Variants in TRA2B observed in about 807,000 individuals in gnomAD.
TRA2B encodes transformer 2 beta homolog.
Under a neutral mutation model 41.7 loss-of-function variants are expected in TRA2B, and 14 were observed. The observed-to-expected ratio is 0.34, with a 90% CI of 0.22 to 0.53. The LOEUF (loss-of-function observed/expected upper bound fraction) is 0.53, where lower values mean the gene tolerates loss of function less well. TRA2B is among the 20% of genes least tolerant of loss of function. TRA2B has a pLI of 0.95. For synonymous variants in TRA2B, 130 were observed against 128.8 expected, an observed-to-expected ratio of 1.01 and a Z score of -0.06; for missense variants, 167 against 396.8, an observed-to-expected ratio of 0.42 and a Z score of 4.92.
At position 185,937,270 on chromosome 3, in the gene TRA2B, G is replaced by A. The variant is rs1469263663; in HGVS notation, c.36+555C>T. 2.3e-5 allele frequency: 23 copies of A among 986,264 alleles called. 1 individual carries two copies. The highest frequency in any genetic ancestry group is 1.0e-3 in the Middle Eastern group (2 of 1,934). The allele number at this position is 986,264 out of a possible 1,614,324, so 61.1% of individuals were successfully genotyped here. A position where few individuals can be genotyped will look rare whatever the true frequency, so the allele number is the denominator to read the frequency against. ...AGGCCCCAAAGACATCCCAGACTCC[G>A]TCCTTTCCGTGGAGGCAAAGACGGT... is the stretch of plus-strand genomic sequence containing the variant. On this transcript the variant is annotated intron_variant, in intron 1 of 8. Coordinates refer to ENST00000453386, the MANE Select transcript of TRA2B (RefSeq NM_004593.3).
In TRA2B at chr3:185,926,415, C is replaced by T. The variant is rs78676441; in HGVS notation, c.170+186G>A. Among the ~76,000 whole-genome samples, 434 of 152,240 alleles carry T rather than the reference C, an allele frequency of 2.9e-3. 5 individuals are homozygous for T. Among genetic ancestry groups the T allele is most frequent in the Admixed American group, 0.02 (304 of 15,296 alleles). On this transcript the variant is annotated intron_variant, in intron 2 of 8. Coordinates refer to ENST00000453386, the MANE Select transcript of TRA2B (RefSeq NM_004593.3). ...GCCCAAACCAGCAAAAATAGAAAACCCTGACTCCAAAAGCCCAGGCTCTTA... is the reference window on the plus strand; with the variant it reads ...GCCCAAACCAGCAAAAATAGAAAACTCTGACTCCAAAAGCCCAGGCTCTTA...
At chr3:185,936,175 G>A (rs1323257365) in intron 1 of TRA2B, 1 of 985,376 alleles carries the variant, frequency 1.0e-6, no homozygotes, top group African/African-American at 1.7e-5. Context: ...TTTTTGAAGA[G>A]TAGAAAGGTA....
At chr3:185,932,772 TTTC>T (rs1389940488) in intron 1 of TRA2B, among the ~76,000 whole-genome samples, 1 of 152,156 alleles carries the variant, frequency 6.6e-6, no homozygotes, top group East Asian at 1.9e-4. Flanking sequence ...CATGCTAGTT[TTTC>T]TTGTTATCCT....
chr3:185,919,893 T>C (rs1176547265), intron 6 of TRA2B, among the ~76,000 whole-genome samples: 1 of 152,178 alleles, frequency 6.6e-6, no homozygotes, highest in Non-Finnish European at 1.5e-5. Context: ...TTCTTAAACA[T>C]TGCCAAATAA....
intron 8 of TRA2B, among the ~76,000 whole-genome samples, 185 bp downstream of exon 8, chr3:185,918,180 A>G (rs1003665189): frequency 2.0e-5 from 3 of 152,194 alleles, no homozygotes; most frequent in African/African-American, 7.2e-5. Flanking sequence ...TTCCTTCTTA[A>G]AAAATAATAG....
rs565787432 is a variant in TRA2B, at chr3:185,915,615, T to C, written c.*2100A>G. On this transcript the variant is annotated 3_prime_UTR_variant, in exon 9 of 9. Transcript: ENST00000453386. ...TCCTCAGTCTTTTGCCTGTTAACAC[T>C]CTTTGTAGCCATGTCAAATGGCTAA... is the stretch of plus-strand genomic sequence containing the variant. 3.7e-4 allele frequency among the ~76,000 whole-genome samples: 57 copies of C among 152,308 alleles called. No individual in the cohort carries two copies. Among genetic ancestry groups the C allele is most frequent in the Middle Eastern group, 3.4e-3 (1 of 294 alleles).
intron 1 of TRA2B, chr3:185,936,478 A>C (rs1744359889): frequency 2.0e-6 from 2 of 985,324 alleles, no homozygotes; most frequent in East Asian, 1.1e-4. Flanking sequence ...TTCAAACCAA[A>C]TTAAGCAGTT....
chr3:185,915,756 G>C lies in TRA2B; in HGVS notation c.*1959C>G, dbSNP rs1743478676. On this transcript the variant is annotated 3_prime_UTR_variant, in exon 9 of 9. Transcript: ENST00000453386. ...TAAAGGGCTAAAACTCAGGCTTTAGGATAGAAACCGAGGGTTATGTTCGAG... is the reference window on the plus strand; with the variant it reads ...TAAAGGGCTAAAACTCAGGCTTTAGCATAGAAACCGAGGGTTATGTTCGAG... The C allele has an allele frequency of 6.6e-6, 1 of 152,148 alleles. No homozygotes were observed. Among genetic ancestry groups the C allele is most frequent in the East Asian group, 1.9e-4 (1 of 5,204 alleles). The allele number at this position is 152,148 out of a possible 1,614,324, so 9.4% of individuals were successfully genotyped here. A position where few individuals can be genotyped will look rare whatever the true frequency, so the allele number is the denominator to read the frequency against.
At chr3:185,937,381 G>C (rs1429393560) in intron 1 of TRA2B, 1 of 999,832 alleles carries the variant, frequency 1.0e-6, no homozygotes, top group East Asian at 1.1e-4. Flanking sequence ...TACGAAGCGC[G>C]GCCCGCTGCG....
intron 4 of TRA2B, chr3:185,922,894 A>G (rs950888735): frequency 1.3e-5 from 2 of 152,256 alleles, no homozygotes; most frequent in African/African-American, 2.4e-5. Flanking sequence ...TGTTCAAGCT[A>G]GTGTTTACGC....
intron 1 of TRA2B, chr3:185,934,612 CT>C (rs1744277509): frequency 3.0e-6 from 3 of 985,138 alleles, no homozygotes; most frequent in Non-Finnish European, 3.6e-6. Context: ...CAATTCAATC[CT>C]TTTTTAAAGG....
At chr3:185,918,721 T>C (rs1743599878) in intron 7 of TRA2B, among the ~76,000 whole-genome samples, 1 of 152,122 alleles carries the variant, frequency 6.6e-6, no homozygotes, top group African/African-American at 2.4e-5. Flanking sequence ...TAAAAGAAAA[T>C]TCCTGGCTGG....
chr3:185,923,768 G>C, intron 4 of TRA2B, 28 bp downstream of exon 4: 1 of 1,582,728 alleles, frequency 6.3e-7, no homozygotes, highest in South Asian at 1.2e-5. Flanking sequence ...AGAACTGATG[G>C]TTTACAAAGG....
intron 1 of TRA2B, chr3:185,935,965 CAG>C: frequency 1.0e-6 from 1 of 985,404 alleles, no homozygotes; most frequent in Non-Finnish European, 1.2e-6. Flanking sequence ...GCGAAAAACA[CAG>C]TGTACTTTTA....
chr3:185,933,197 A>G (rs1744214769), intron 1 of TRA2B, among the ~76,000 whole-genome samples: 1 of 152,206 alleles, frequency 6.6e-6, no homozygotes, highest in Non-Finnish European at 1.5e-5. Context: ...TGCAGAAGAT[A>G]CAAGAATAGA....
At chr3:185,917,844 C>G (rs1024956293) in intron 8 of TRA2B, 119 bp from the exon 9 acceptor site, 37 of 957,796 alleles carry the variant, frequency 3.9e-5, no homozygotes, top group Non-Finnish European at 5.6e-5. Flanking sequence ...CAGAACCCCA[C>G]CACCCCCAAA....
chr3:185,937,021 G>C, intron 1 of TRA2B: 1 of 985,358 alleles, frequency 1.0e-6, no homozygotes, highest in Non-Finnish European at 1.2e-6. Context: ...ATGGTTGCCC[G>C]CCAATTTCTC....
At chr3:185,918,324 C>T in intron 8 of TRA2B, 41 bp downstream of exon 8, 1 of 1,452,530 alleles carries the variant, frequency 6.9e-7, no homozygotes, top group Non-Finnish European at 9.7e-7. Context: ...CAGAGCAAGC[C>T]ATACTACAAT....
At chr3:185,926,572 C>T (rs755649274) in intron 2 of TRA2B, 29 bp downstream of exon 2, 25 of 1,612,336 alleles carry the variant, frequency 1.6e-5, no homozygotes, top group South Asian at 2.2e-5. Flanking sequence ...CTAAGAGTAA[C>T]GAGGAAATCT....
Sources: allele counts gnomAD v4.1 joint callset (sites outside exome capture counted in the v4.1 genomes callset), GRCh38; gene constraint gnomAD v4.1.1; transcripts MANE v1.5; gene names NCBI Gene and HGNC (gene_info 2026-07-23, HGNC 2026-07-21).